Variants in ENPP3 observed in about 807,000 individuals in gnomAD.
ENPP3 encodes ectonucleotide pyrophosphatase/phosphodiesterase family member 3.
In ENPP3, 104 loss-of-function variants were observed where a neutral mutation model predicts 117.8. The ratio of observed to expected loss-of-function variants is 0.88; its 90% CI spans 0.75 to 1.04. The LOEUF is 1.04. Ranked by LOEUF, ENPP3 falls within the 50% of genes least tolerant of loss-of-function variation. ENPP3 has a pLI of 0.00. For synonymous variants in ENPP3, 380 were observed against 349.9 expected (o/e 1.09, Z -0.96); for missense variants, 1,026 against 1,051.9 (o/e 0.98, Z 0.34).
chr6:131,746,763 A>G (rs771307073), intron 24 of ENPP3, 23 bp from the exon 25 acceptor site: 4 of 1,580,784 alleles, frequency 2.5e-6, no homozygotes, highest in Non-Finnish European at 3.4e-6. Context: ...TGAAAAAAAA[A>G]GTGTTGTGCT....
chr6:131,656,973 A>C (rs1007579744), intron 5 of ENPP3, among the ~76,000 whole-genome samples: 16 of 152,188 alleles, frequency 1.1e-4, no homozygotes, highest in African/African-American at 3.9e-4. Flanking sequence ...TCCCAGAGAC[A>C]AGTGACCCTG....
intron 15 of ENPP3, among the ~76,000 whole-genome samples, chr6:131,717,035 A>T (rs1390458901): frequency 6.6e-6 from 1 of 152,070 alleles, no homozygotes; most frequent in African/African-American, 2.4e-5. Context: ...ATTGGCATTA[A>T]CTAAGATAAG....
At chr6:131,652,422 A>T in intron 3 of ENPP3, 120 bp from the exon 4 acceptor site, 2 of 1,050,202 alleles carry the variant, frequency 1.9e-6, no homozygotes. Context: ...ATTTTCATTT[A>T]TTAATACAGA....
At position 131,734,235 on chromosome 6, in the gene ENPP3, T is replaced by G. The variant is rs530497279; in HGVS notation, c.2089+512T>G. Among the ~76,000 whole-genome samples the G allele has an allele frequency of 1.1e-4, 16 of 152,326 alleles. No homozygotes were observed. In the East Asian group the frequency reaches 3.1e-3, roughly 29 times the overall value. On this transcript the variant is annotated intron_variant, in intron 21 of 24. Coordinates refer to ENST00000357639, the MANE Select transcript of ENPP3 (RefSeq NM_005021.5). ...GCTCATGCTGTAGGGCTAACAGTTT[T>G]AAACTGCAGGTGAAGTAGCCAAATG...
At chr6:131,677,032 C>A (rs1226572572) in intron 10 of ENPP3, among the ~76,000 whole-genome samples, 1 of 151,786 alleles carries the variant, frequency 6.6e-6, no homozygotes, top group Non-Finnish European at 1.5e-5. Flanking sequence ...GCCCAGGAGT[C>A]CCGGACCAAC....
intron 5 of ENPP3, among the ~76,000 whole-genome samples, chr6:131,655,622 A>G (rs1211386937): frequency 6.6e-6 from 1 of 152,242 alleles, no homozygotes; most frequent in African/African-American, 2.4e-5. Context: ...GGAGAGAGAC[A>G]TTAGGTGAGA....
At position 131,685,253 on chromosome 6, in the gene ENPP3, A is replaced by G; in HGVS notation, c.1121-111A>G. 8.3e-6 allele frequency: 8 copies of G among 964,512 alleles called. 1 individual carries two copies. The South Asian group carries it at 1.3e-4, about 15-fold the overall frequency. The allele number at this position is 964,512 out of a possible 1,614,324, so 59.7% of individuals were successfully genotyped here. A position where few individuals can be genotyped will look rare whatever the true frequency, so the allele number is the denominator to read the frequency against. ...GGGTGAATTGCGTAAATTCTCAGTGAAGCTTAGTTTGAGATCTGTAACATA... is the reference window on the plus strand; with the variant it reads ...GGGTGAATTGCGTAAATTCTCAGTGGAGCTTAGTTTGAGATCTGTAACATA... On this transcript the variant is annotated intron_variant, in intron 12 of 24. Coordinates refer to ENST00000357639, the MANE Select transcript of ENPP3 (RefSeq NM_005021.5).
chr6:131,644,313 C>G (rs1778113084), intron 2 of ENPP3, among the ~76,000 whole-genome samples: 1 of 152,018 alleles, frequency 6.6e-6, no homozygotes, highest in African/African-American at 2.4e-5. Context: ...TAATAGAATC[C>G]CTAGGGCTGC....
At chr6:131,645,621 G>A (rs958156846) in intron 2 of ENPP3, among the ~76,000 whole-genome samples, 5 of 152,148 alleles carry the variant, frequency 3.3e-5, no homozygotes, top group Admixed American at 6.5e-5. Flanking sequence ...TTGAATCTTT[G>A]TCTATGTAAA....
chr6:131,730,985 C>T (rs754357331), intron 20 of ENPP3, among the ~76,000 whole-genome samples: 6 of 151,440 alleles, frequency 4.0e-5, no homozygotes, highest in African/African-American at 7.3e-5. Context: ...CTATTTTTCC[C>T]ATCTCTTTGT....
intron 2 of ENPP3, among the ~76,000 whole-genome samples, chr6:131,641,769 A>C: frequency 7.9e-6 from 1 of 126,934 alleles, no homozygotes; most frequent in African/African-American, 3.1e-5. Context: ...TTATCATTCC[A>C]GTGTTTTTCT....
chr6:131,657,190 A>C (rs1001722900), intron 5 of ENPP3, among the ~76,000 whole-genome samples: 2 of 152,184 alleles, frequency 1.3e-5, no homozygotes, highest in Non-Finnish European at 2.9e-5. Context: ...GGTATCCTAT[A>C]GTTCATACTA....
Position 131,722,309 on chromosome 6 carries a change from A to G in ENPP3, c.1650A>G (p.Pro550=). The G allele has an allele frequency of 6.2e-7, 1 of 1,614,064 alleles. No homozygotes were observed. The highest frequency in any genetic ancestry group is 1.7e-5 in the Admixed American group (1 of 60,008). The change falls in exon 18 of 25, where the codon CCA becomes CCG. Residue 550 remains proline (P), a synonymous_variant. Coordinates refer to ENST00000357639, the MANE Select transcript of ENPP3 (RefSeq NM_005021.5). The part of the protein sequence containing the change: ...NHLLKVPFYE[P]SHAEEVSKFS... Reference sequence around the variant, plus strand: ...TTCTGAAGGTGCCTTTTTATGAGCCATCCCATGCAGAGGAGGTGTCAAAGT... The same window carrying G: ...TTCTGAAGGTGCCTTTTTATGAGCCGTCCCATGCAGAGGAGGTGTCAAAGT...
chr6:131,685,595 A>T (rs56776570), intron 13 of ENPP3, 100 bp downstream of exon 13: 6 of 1,177,808 alleles, frequency 5.1e-6, no homozygotes, highest in Middle Eastern at 2.0e-4. Context: ...CAGACCCTCT[A>T]CTGACTTCTT....
chr6:131,745,851 G>A (rs1453863241), intron 24 of ENPP3, among the ~76,000 whole-genome samples: 2 of 152,106 alleles, frequency 1.3e-5, no homozygotes, highest in African/African-American at 4.8e-5. Context: ...GGGTGCGGTG[G>A]CTCATGCCTA....
At chr6:131,669,655 CAAAAAAAAAAAAAA>C (rs67597128) in intron 6 of ENPP3, among the ~76,000 whole-genome samples, 1 of 61,712 alleles carries the variant, frequency 1.6e-5, no homozygotes, top group East Asian at 6.3e-4. Flanking sequence ...GACTCCATCT[CAAAAAAAAAAAAAA>C]AAAAAAAAAA....
intron 14 of ENPP3, among the ~76,000 whole-genome samples, chr6:131,691,316 C>T (rs541473841): frequency 3.3e-5 from 5 of 152,168 alleles, no homozygotes; most frequent in Middle Eastern, 3.4e-3. Flanking sequence ...CGGCCGGGCG[C>T]GGTGGCTCAT....
At chr6:131,670,469 A>G (rs933793623) in intron 6 of ENPP3, among the ~76,000 whole-genome samples, 1 of 151,552 alleles carries the variant, frequency 6.6e-6, no homozygotes, top group Non-Finnish European at 1.5e-5. Context: ...GAATTGTTTT[A>G]CTTATTTTAA....
intron 24 of ENPP3, among the ~76,000 whole-genome samples, chr6:131,741,479 T>C (rs952750336): frequency 6.6e-6 from 1 of 152,158 alleles, no homozygotes; most frequent in Non-Finnish European, 1.5e-5. Context: ...AAAATCACAT[T>C]TGGCTGGAAT....
Sources: gnomAD v4.1 joint callset for allele counts (sites outside exome capture counted in the v4.1 genomes callset) on GRCh38, gnomAD v4.1.1 for gene constraint, MANE v1.5 for transcripts, NCBI Gene and HGNC (gene_info 2026-07-23, HGNC 2026-07-21) for gene names.